Variants in GATAD1 observed in about 807,000 individuals in gnomAD.
The protein encoded by GATAD1 is GATA zinc finger domain containing 1, also known as GATA zinc finger domain-containing protein 1.
In GATAD1, 12 loss-of-function variants were observed where a neutral mutation model predicts 26.5. The observed-to-expected ratio is 0.45, with a 90% CI of 0.29 to 0.73. The LOEUF is 0.73. Ranked by LOEUF, GATAD1 falls within the 30% of genes least tolerant of loss-of-function variation. The probability of loss-of-function intolerance (pLI) is 0.10; values close to 1 mark genes in which losing one functional copy is unlikely to be tolerated. For missense variants in GATAD1, 266 were observed against 342.1 expected, an observed-to-expected ratio of 0.78 and a Z score of 1.75; for synonymous variants, 129 against 133.1, an observed-to-expected ratio of 0.97 and a Z score of 0.21.
At chr7:92,463,548 C>T (rs1252879038), downstream of GATAD1, among the ~76,000 whole-genome samples, 1 of 151,732 alleles carries the variant, frequency 6.6e-6, no homozygotes, top group Non-Finnish European at 1.5e-5. Flanking sequence ...CCTGTAGTCC[C>T]AGCTACTCGG....
At chr7:92,477,796 G>A in the GATAD1 span, 2 of 181,392 alleles carry the variant, frequency 1.1e-5, no homozygotes, top group South Asian at 1.5e-4. Context: ...GGTCTGCGGT[G>A]GTGGCAAACA....
At chr7:92,494,724 TTA>T in the GATAD1 span, 2 of 767,064 alleles carry the variant, frequency 2.6e-6, no homozygotes, top group African/African-American at 3.7e-5. Context: ...TTTTATGTAT[TTA>T]TATATATTTA....
At chr7:92,487,719 A>G in the GATAD1 span, among the ~76,000 whole-genome samples, 5 of 152,340 alleles carry the variant, frequency 3.3e-5, no homozygotes, top group East Asian at 9.6e-4. Flanking sequence ...TTGCACTCCA[A>G]TAGAAAACGG....
At chr7:92,487,313 A>G in the GATAD1 span, 6 of 569,250 alleles carry the variant, frequency 1.1e-5, no homozygotes. Context: ...TTACATAATT[A>G]TAGCATTTAC....
chr7:92,484,001 A>C, the GATAD1 span, among the ~76,000 whole-genome samples: 1 of 152,158 alleles, frequency 6.6e-6, no homozygotes, highest in Non-Finnish European at 1.5e-5. Flanking sequence ...GATGAGTCGC[A>C]TTGGGAGCAG....
chr7:92,461,448 C>T (rs1009442157), downstream of GATAD1: 1 of 152,170 alleles, frequency 6.6e-6, no homozygotes, highest in South Asian at 2.1e-4. Context: ...CTATATCGCT[C>T]CTAGTGGTTC....
chr7:92,480,391 G>A, the GATAD1 span, among the ~76,000 whole-genome samples: 1 of 152,314 alleles, frequency 6.6e-6, no homozygotes, highest in South Asian at 2.1e-4. Context: ...GCAAATCCCC[G>A]AGCTTGATGT....
At chr7:92,460,400 A>G (rs1217054096), downstream of GATAD1, among the ~76,000 whole-genome samples, 4 of 152,320 alleles carry the variant, frequency 2.6e-5, no homozygotes, top group South Asian at 8.3e-4. Flanking sequence ...CCCAAGAAAT[A>G]TAAGCCAGGA....
rs1789197189 is a variant in GATAD1 at position 92,447,529 on chromosome 7, TCCGCCTGCGGAGCCGGCGGAAC to T, written c.-196_-175del. ...TGCCTCGGGCCAGGGAATCCTGGCCTCCGCCTGCGGAGCCGGCGGAACCCGCTTCCCGCCTCCACGGGGCAGC... is the reference window on the plus strand; with the variant it reads ...TGCCTCGGGCCAGGGAATCCTGGCCTCCGCTTCCCGCCTCCACGGGGCAGC... On this transcript the variant is annotated 5_prime_UTR_variant, in exon 1 of 5. Coordinates refer to ENST00000287957, the MANE Select transcript of GATAD1 (RefSeq NM_021167.5). 1.9e-6 allele frequency: 1 copy of T among 527,980 alleles called. No individual in the cohort carries two copies. Among genetic ancestry groups the T allele is most frequent in the Non-Finnish European group, 2.9e-6 (1 of 345,644 alleles). The allele number at this position is 527,980 out of a possible 1,614,324, so 32.7% of individuals were successfully genotyped here. A position where few individuals can be genotyped will look rare whatever the true frequency, so the allele number is the denominator to read the frequency against.
intron 4 of GATAD1, among the ~76,000 whole-genome samples, chr7:92,454,920 G>T (rs976697145): frequency 1.3e-5 from 2 of 152,124 alleles, no homozygotes; most frequent in Non-Finnish European, 2.9e-5. Flanking sequence ...TCACCTTCTT[G>T]CTGTGTCCTC....
chr7:92,469,616 T>C, the GATAD1 span: 2 of 764,498 alleles, frequency 2.6e-6, no homozygotes, highest in South Asian at 1.3e-5. Context: ...GTGGGAGGAG[T>C]TACCCACCTG....
chr7:92,451,733 G>A (rs1789440165), intron 3 of GATAD1, among the ~76,000 whole-genome samples: 1 of 152,204 alleles, frequency 6.6e-6, no homozygotes, highest in Non-Finnish European at 1.5e-5. Flanking sequence ...CTAAAGTTTA[G>A]CAAACAGTTG....
At chr7:92,478,618 G>A in the GATAD1 span, among the ~76,000 whole-genome samples, 1 of 152,292 alleles carries the variant, frequency 6.6e-6, no homozygotes, top group South Asian at 2.1e-4. Flanking sequence ...CCTAATTATG[G>A]TAATACATAA....
chr7:92,476,069 C>G, the GATAD1 span, among the ~76,000 whole-genome samples: 1 of 152,286 alleles, frequency 6.6e-6, no homozygotes, highest in African/African-American at 2.4e-5. Context: ...ATCTATCGTC[C>G]TGTCCTGAAG....
downstream of GATAD1, among the ~76,000 whole-genome samples, chr7:92,462,368 TA>T (rs143310054): frequency 3.0e-4 from 43 of 141,098 alleles, no homozygotes; most frequent in South Asian, 4.4e-4. Flanking sequence ...TCTGATTTTG[TA>T]AAAAAAAAAA....
At position 92,456,426 on chromosome 7, in the gene GATAD1, C is replaced by T. The variant is rs770382475; in HGVS notation, c.674C>T (p.Ala225Val). Residue 225 changes from alanine (A) to valine (V), a missense_variant, in exon 5 of 5, where the codon GCA becomes GTA. By Grantham distance (64) the Ala-to-Val change is moderately conservative. Transcript: ENST00000287957. Reference protein sequence around the residue: ...KMEYLEFVCHAPSEYFKSRSS... With the variant: ...KMEYLEFVCHVPSEYFKSRSS... ...GAATACTTGGAATTTGTTTGTCATG[C>T]ACCTTCTGAGTATTTCAAGTCACGG... The T allele has an allele frequency of 6.2e-7, 1 of 1,612,870 alleles. No homozygotes were observed. The highest frequency in any genetic ancestry group is 1.7e-5 in the Admixed American group (1 of 59,994).
chr7:92,470,398 A>G, the GATAD1 span: 1 of 680,550 alleles, frequency 1.5e-6, no homozygotes, highest in Non-Finnish European at 2.7e-6. Flanking sequence ...TTATGATTTT[A>G]GTTACTTTCC....
rs1789200359 is a variant in GATAD1 at position 92,447,553 on chromosome 7, C to T, written c.-177C>T. On this transcript the variant is annotated 5_prime_UTR_variant, in exon 1 of 5. Transcript: ENST00000287957. Reference sequence around the variant, plus strand: ...CTCCGCCTGCGGAGCCGGCGGAACCCGCTTCCCGCCTCCACGGGGCAGCGC... The same window carrying T: ...CTCCGCCTGCGGAGCCGGCGGAACCTGCTTCCCGCCTCCACGGGGCAGCGC... 2 of 792,390 alleles carry T rather than the reference C, an allele frequency of 2.5e-6. No homozygotes were observed. Among genetic ancestry groups the T allele is most frequent in the Non-Finnish European group, 3.4e-6 (2 of 581,634 alleles). The allele number at this position is 792,390 out of a possible 1,614,324, so 49.1% of individuals were successfully genotyped here.
chr7:92,470,448 A>C, the GATAD1 span: 1 of 623,086 alleles, frequency 1.6e-6, no homozygotes, highest in Non-Finnish European at 2.9e-6. Context: ...AATCCTCTAG[A>C]GGTTCACAGG....
Sources: gnomAD v4.1 joint callset for allele counts (sites outside exome capture counted in the v4.1 genomes callset) on GRCh38, gnomAD v4.1.1 for gene constraint, MANE v1.5 for transcripts, NCBI Gene and HGNC (gene_info 2026-07-23, HGNC 2026-07-21) for gene names.